Variants in LAMA2 observed in about 807,000 individuals in gnomAD.
LAMA2 encodes laminin subunit alpha-2.
LAMA2 carries 269 observed loss-of-function variants against 364.8 expected under a neutral mutation model. The observed-to-expected ratio is 0.74, with a 90% CI of 0.67 to 0.82. The LOEUF is 0.82. Ranked by LOEUF, LAMA2 falls within the 40% of genes least tolerant of loss-of-function variation. The pLI, the probability that LAMA2 is intolerant of heterozygous loss-of-function variation, is 0.00. For synonymous variants in LAMA2, 1,379 were observed against 1,370.6 expected (o/e 1.01, Z -0.14); for missense variants, 3,807 against 3,873.2 (o/e 0.98, Z 0.45).
At chr6:129,404,888 A>G (rs1302979816) in intron 40 of LAMA2, among the ~76,000 whole-genome samples, 1 of 152,082 alleles carries the variant, frequency 6.6e-6, no homozygotes, top group Non-Finnish European at 1.5e-5. Flanking sequence ...CCCTAAATGA[A>G]CCAGTCTTAG....
intron 41 of LAMA2, among the ~76,000 whole-genome samples, chr6:129,438,117 A>G (rs1346254973): frequency 6.6e-6 from 1 of 151,720 alleles, no homozygotes; most frequent in African/African-American, 2.4e-5. Context: ...AAAAATGACT[A>G]TTATCAGATA....
chr6:129,354,210 A>G (rs1654286754), intron 32 of LAMA2, among the ~76,000 whole-genome samples: 1 of 152,174 alleles, frequency 6.6e-6, no homozygotes, highest in South Asian at 2.1e-4. Context: ...CTTAAATAGA[A>G]GAATTTTTGT....
At chr6:129,426,644 G>A (rs1047078117) in intron 40 of LAMA2, among the ~76,000 whole-genome samples, 11 of 152,026 alleles carry the variant, frequency 7.2e-5, no homozygotes, top group Non-Finnish European at 1.0e-4. Context: ...TTTTATTTAT[G>A]TAGATGTTTC....
At chr6:129,476,714 T>G (rs1784082800) in intron 53 of LAMA2, among the ~76,000 whole-genome samples, 1 of 152,188 alleles carries the variant, frequency 6.6e-6, no homozygotes, top group Non-Finnish European at 1.5e-5. Flanking sequence ...AAGTGAACAC[T>G]GTTAATGAAA....
At chr6:129,512,944 A>G (rs1786719946) in intron 63 of LAMA2, among the ~76,000 whole-genome samples, 1 of 152,138 alleles carries the variant, frequency 6.6e-6, no homozygotes, top group Non-Finnish European at 1.5e-5. Flanking sequence ...TCAGTTTCTC[A>G]ATTTGTTTAA....
chr6:129,032,610 G>T (rs145679652), intron 1 of LAMA2, among the ~76,000 whole-genome samples: 1 of 152,244 alleles, frequency 6.6e-6, no homozygotes, highest in African/African-American at 2.4e-5. Flanking sequence ...TTTTTAAGAA[G>T]ACTGACTTGA....
At chr6:129,168,019 T>G (rs1779874439) in intron 9 of LAMA2, among the ~76,000 whole-genome samples, 1 of 150,670 alleles carries the variant, frequency 6.6e-6, no homozygotes, top group Admixed American at 6.6e-5. Flanking sequence ...TTGTTTGTTT[T>G]TTTCTTGTAA....
chr6:129,102,721 A>T (rs2114882539), intron 4 of LAMA2, among the ~76,000 whole-genome samples: 1 of 152,298 alleles, frequency 6.6e-6, no homozygotes, highest in Non-Finnish European at 1.5e-5. Context: ...TATTTGAAAG[A>T]GAATGTGTAG....
chr6:128,971,114 G>T (rs141461452), intron 1 of LAMA2, among the ~76,000 whole-genome samples: 1 of 152,268 alleles, frequency 6.6e-6, no homozygotes, highest in African/African-American at 2.4e-5. Flanking sequence ...TTGCCTTCCT[G>T]TGCCTGGTAC....
intron 37 of LAMA2, among the ~76,000 whole-genome samples, chr6:129,399,903 T>C (rs1779871043): frequency 6.6e-6 from 1 of 152,204 alleles, no homozygotes; most frequent in Admixed American, 6.5e-5. Flanking sequence ...GGATCTATCA[T>C]TAAGTAGACA....
At chr6:129,127,278 T>C (rs938495238) in intron 4 of LAMA2, among the ~76,000 whole-genome samples, 1 of 152,234 alleles carries the variant, frequency 6.6e-6, no homozygotes, top group Non-Finnish European at 1.5e-5. Context: ...AACTTCTATT[T>C]CACTCACTCC....
intron 2 of LAMA2, among the ~76,000 whole-genome samples, chr6:129,054,310 A>G (rs1788314181): frequency 1.3e-5 from 2 of 152,250 alleles, no homozygotes; most frequent in Non-Finnish European, 2.9e-5. Flanking sequence ...CAGGGAAAGT[A>G]GAATGGAAAG....
chr6:129,516,484 C>A lies in LAMA2; in HGVS notation c.*137C>A. The A allele has an allele frequency of 1.2e-6, 1 of 815,498 alleles. No individual in the cohort carries two copies. Among genetic ancestry groups the A allele is most frequent in the Non-Finnish European group, 2.0e-6 (1 of 489,884 alleles). The allele number at this position is 815,498 out of a possible 1,614,324, so 50.5% of individuals were successfully genotyped here. A position where few individuals can be genotyped will look rare whatever the true frequency, so the allele number is the denominator to read the frequency against. ...GAATTCTTTCTGTATTCAGATGGTG[C>A]TAATTCAGACTCCAGACTGAATTTT... On this transcript the variant is annotated 3_prime_UTR_variant, in exon 65 of 65. Coordinates refer to ENST00000421865, the MANE Select transcript of LAMA2 (RefSeq NM_000426.4).
At chr6:129,504,423 T>C (rs573849335) in intron 60 of LAMA2, among the ~76,000 whole-genome samples, 1 of 152,348 alleles carries the variant, frequency 6.6e-6, no homozygotes, top group African/African-American at 2.4e-5. Context: ...TTTTAAAAAT[T>C]ACTTCCCAAA....
chr6:129,465,580 G>T (rs1335250746), intron 51 of LAMA2, among the ~76,000 whole-genome samples: 3 of 151,904 alleles, frequency 2.0e-5, no homozygotes, highest in African/African-American at 7.2e-5. Flanking sequence ...TTTGAAAAAT[G>T]TTGGGTGCTT....
intron 1 of LAMA2, among the ~76,000 whole-genome samples, chr6:128,950,304 C>A (rs887232325): frequency 2.0e-5 from 3 of 151,956 alleles, no homozygotes; most frequent in African/African-American, 7.3e-5. Context: ...ATGTTCAAAG[C>A]AGAAGGGTAA....
intron 4 of LAMA2, among the ~76,000 whole-genome samples, chr6:129,117,171 A>G (rs868641432): frequency 6.6e-6 from 1 of 152,198 alleles, no homozygotes; most frequent in African/African-American, 2.4e-5. Context: ...CAAGACGAAC[A>G]TTTTATTAGC....
chr6:129,084,961 T>G (rs1774284514), intron 3 of LAMA2, among the ~76,000 whole-genome samples: 1 of 152,180 alleles, frequency 6.6e-6, no homozygotes. Context: ...TCACATGGAC[T>G]CAGTTTATAG....
At chr6:129,236,257 TTC>T (rs1202585533) in intron 12 of LAMA2, among the ~76,000 whole-genome samples, 4 of 152,216 alleles carry the variant, frequency 2.6e-5, no homozygotes, top group Non-Finnish European at 5.9e-5. Flanking sequence ...TTGTCCAAAG[TTC>T]TATTTCTGTG....
Sources: gnomAD v4.1 joint callset for allele counts (sites outside exome capture counted in the v4.1 genomes callset) on GRCh38, gnomAD v4.1.1 for gene constraint, MANE v1.5 for transcripts, NCBI Gene and HGNC (gene_info 2026-07-23, HGNC 2026-07-21) for gene names.